Variants in ANO2 observed in about 807,000 individuals in gnomAD.
ANO2 encodes anoctamin 2, also known as anoctamin-2.
In ANO2, 101 loss-of-function variants were observed where a neutral mutation model predicts 124.2. The observed-to-expected ratio is 0.81, with a 90% confidence interval of 0.69 to 0.96. The LOEUF is 0.96. Among genes scored for constraint, ANO2 ranks in the 40% least tolerant of loss-of-function variants. The pLI, the probability that ANO2 is intolerant of heterozygous loss-of-function variation, is 0.00. For missense variants in ANO2, 1,293 were observed against 1,274.5 expected (o/e 1.01, Z -0.22); for synonymous variants, 486 against 482.5 (o/e 1.01, Z -0.09).
chr12:5,818,942 G>C (rs1953698427), intron 7 of ANO2, among the ~76,000 whole-genome samples: 1 of 152,158 alleles, frequency 6.6e-6, no homozygotes, highest in South Asian at 2.1e-4. Flanking sequence ...AGCAGATTCT[G>C]AGCATCAAAT....
chr12:5,567,787 G>C (rs532949414), intron 23 of ANO2, among the ~76,000 whole-genome samples: 12 of 152,290 alleles, frequency 7.9e-5, no homozygotes, highest in African/African-American at 2.6e-4. Context: ...AGTTTAACAA[G>C]CATATCCATC....
chr12:5,907,483 A>G (rs1340920967), intron 3 of ANO2, among the ~76,000 whole-genome samples: 1 of 152,206 alleles, frequency 6.6e-6, no homozygotes, highest in African/African-American at 2.4e-5. Context: ...TATGCCTTGA[A>G]CTGTTAACTC....
chr12:5,669,231 G>A (rs1488873559), intron 14 of ANO2, among the ~76,000 whole-genome samples: 1 of 152,010 alleles, frequency 6.6e-6, no homozygotes, highest in Non-Finnish European at 1.5e-5. Flanking sequence ...ATGGTTTGTG[G>A]TTCTCCTTGA....
In ANO2 at chr12:5,733,100, A is replaced by G. The variant is rs370970982; in HGVS notation, c.1435-470T>C. ...AGCTGGGAGTGAGGGCAACAACAAA[A>G]CTCCTTCCCTGCTCCATTATTCTCT... On this transcript the variant is annotated intron_variant, in intron 13 of 24. Transcript: ENST00000682330. 1.5e-5 allele frequency: 9 copies of G among 600,202 alleles called. No homozygotes were observed. In the African/African-American group the frequency reaches 1.7e-4, roughly 11 times the overall value. 37.2% of individuals were successfully genotyped at this position (600,202 alleles called of 1,614,324 possible).
intron 1 of ANO2, among the ~76,000 whole-genome samples, chr12:5,926,305 G>C (rs546206575): frequency 1.3e-5 from 2 of 152,140 alleles, no homozygotes; most frequent in Non-Finnish European, 2.9e-5. Flanking sequence ...GGAGGACGGC[G>C]ATGCCCTCCT....
At chr12:5,662,775 G>C in intron 14 of ANO2, among the ~76,000 whole-genome samples, 1 of 152,142 alleles carries the variant, frequency 6.6e-6, no homozygotes, top group East Asian at 1.9e-4. Context: ...TTCAAATTTT[G>C]TTAACTAACA....
At chr12:5,681,941 G>A (rs1045227201) in intron 14 of ANO2, among the ~76,000 whole-genome samples, 1 of 152,156 alleles carries the variant, frequency 6.6e-6, no homozygotes, top group Non-Finnish European at 1.5e-5. Flanking sequence ...GAAAACAGAC[G>A]GGTGGAAGGG....
At chr12:5,847,637 A>G (rs1045427428) in intron 4 of ANO2, among the ~76,000 whole-genome samples, 1 of 152,210 alleles carries the variant, frequency 6.6e-6, no homozygotes, top group African/African-American at 2.4e-5. Context: ...TGCAAAAGCC[A>G]GGGCTACCAA....
intron 14 of ANO2, among the ~76,000 whole-genome samples, chr12:5,694,086 G>C (rs998265708): frequency 6.6e-6 from 1 of 152,038 alleles, no homozygotes; most frequent in African/African-American, 2.4e-5. Flanking sequence ...CTGCAACAGA[G>C]TGAGGCCTCC....
At chr12:5,615,454 AG>A (rs1467034641) in intron 16 of ANO2, among the ~76,000 whole-genome samples, 157 bp from the exon 17 acceptor site, 1 of 152,184 alleles carries the variant, frequency 6.6e-6, no homozygotes, top group East Asian at 1.9e-4. Flanking sequence ...GTCATCTGGG[AG>A]GCCCCAGGTG....
intron 4 of ANO2, among the ~76,000 whole-genome samples, chr12:5,846,167 G>A (rs762168415): frequency 2.6e-5 from 4 of 152,188 alleles, no homozygotes; most frequent in African/African-American, 4.8e-5. Flanking sequence ...TTTGGATATA[G>A]AAGTATAAAT....
intron 19 of ANO2, 47 bp downstream of exon 19, chr12:5,612,609 C>A: frequency 6.4e-7 from 1 of 1,552,714 alleles, no homozygotes; most frequent in Non-Finnish European, 8.9e-7. Flanking sequence ...CACTTCTGGG[C>A]TAACCCCTGG....
chr12:5,759,692 T>C (rs1951684045), intron 10 of ANO2, among the ~76,000 whole-genome samples: 1 of 151,060 alleles, frequency 6.6e-6, no homozygotes, highest in Non-Finnish European at 1.5e-5. Flanking sequence ...ATTCTCCCAC[T>C]GTCCCCAGCC....
At chr12:5,615,716 A>G (rs924162472) in intron 16 of ANO2, among the ~76,000 whole-genome samples, 7 of 152,160 alleles carry the variant, frequency 4.6e-5, no homozygotes, top group Admixed American at 1.3e-4. Context: ...CTTATTAGCC[A>G]CTGAACTAGA....
intron 10 of ANO2, among the ~76,000 whole-genome samples, chr12:5,794,221 G>A (rs577970683): frequency 3.4e-4 from 52 of 152,288 alleles, no homozygotes; most frequent in Admixed American, 3.4e-3. Context: ...CCGTGCAAAT[G>A]CCATGGTGCT....
intron 14 of ANO2, among the ~76,000 whole-genome samples, chr12:5,683,306 G>GTC (rs1378414905): frequency 2.6e-5 from 4 of 152,164 alleles, no homozygotes; most frequent in Non-Finnish European, 5.9e-5. Flanking sequence ...AGATTGACGT[G>GTC]TCTCTCTCCC....
intron 14 of ANO2, among the ~76,000 whole-genome samples, chr12:5,655,219 C>T (rs1417806042): frequency 3.3e-5 from 5 of 152,190 alleles, no homozygotes; most frequent in African/African-American, 1.2e-4. Context: ...CGTTTTTTCA[C>T]ATCTGACCTT....
intron 3 of ANO2, among the ~76,000 whole-genome samples, chr12:5,878,986 A>G (rs79198661): frequency 0.02 from 2,975 of 152,302 alleles, 90 homozygotes; most frequent in African/African-American, 0.069. Flanking sequence ...AGAGAAATTG[A>G]CCATCAGGAA....
chr12:5,609,932 TATAG>T (rs1254972987), intron 19 of ANO2, among the ~76,000 whole-genome samples: 3 of 145,324 alleles, frequency 2.1e-5, no homozygotes, highest in Non-Finnish European at 4.5e-5. Flanking sequence ...CTATATGAAA[TATAG>T]ATATATTTTA....
Sources: gnomAD v4.1 joint callset for allele counts (sites outside exome capture counted in the v4.1 genomes callset) on GRCh38, gnomAD v4.1.1 for gene constraint, MANE v1.5 for transcripts, NCBI Gene and HGNC (gene_info 2026-07-23, HGNC 2026-07-21) for gene names.